Variants in MYO9A observed in about 807,000 individuals in gnomAD.
MYO9A encodes unconventional myosin-IXa.
Under a neutral mutation model 293.3 loss-of-function variants are expected in MYO9A, and 103 were observed. That is an observed-to-expected ratio of 0.35 (90% confidence interval 0.30 to 0.41). The LOEUF (loss-of-function observed/expected upper bound fraction) is 0.41, where lower values mean the gene tolerates loss of function less well. Ranked by LOEUF, MYO9A falls within the 10% of genes least tolerant of loss-of-function variation. The pLI, the probability that MYO9A is intolerant of heterozygous loss-of-function variation, is 1.00. For missense variants in MYO9A, 2,685 were observed against 3,033.0 expected (o/e 0.89, Z 2.69); for synonymous variants, 1,001 against 1,035.7 (o/e 0.97, Z 0.64).
At chr15:71,902,796 A>G (rs913419991) in intron 22 of MYO9A, 145 bp downstream of exon 22, 24 of 593,130 alleles carry the variant, frequency 4.0e-5, no homozygotes, top group African/African-American at 3.7e-4. Context: ...TATTGACTAC[A>G]TAATTAAATA....
intron 32 of MYO9A, among the ~76,000 whole-genome samples, chr15:71,868,199 T>C (rs1388010726): frequency 6.6e-6 from 1 of 152,214 alleles, no homozygotes; most frequent in Non-Finnish European, 1.5e-5. Context: ...TCCATGTGGT[T>C]GTTGGACTGA....
chr15:71,854,788 A>T (rs1198530462), intron 34 of MYO9A, among the ~76,000 whole-genome samples: 2 of 152,232 alleles, frequency 1.3e-5, no homozygotes, highest in African/African-American at 4.8e-5. Flanking sequence ...TGGAGTGAAG[A>T]ATGAAGGCAG....
intron 18 of MYO9A, among the ~76,000 whole-genome samples, chr15:71,925,561 G>A (rs1039171544): frequency 4.6e-5 from 7 of 151,616 alleles, no homozygotes; most frequent in African/African-American, 1.2e-4. Flanking sequence ...ATCTGCTGTC[G>A]TTTTGTTCTT....
chr15:72,112,735 T>C (rs1273435854), intron 1 of MYO9A, among the ~76,000 whole-genome samples: 4 of 152,232 alleles, frequency 2.6e-5, no homozygotes, highest in East Asian at 1.9e-4. Flanking sequence ...GAAACCTATA[T>C]GTTAAAGGGT....
At chr15:71,966,200 C>T (rs2075870023) in intron 13 of MYO9A, among the ~76,000 whole-genome samples, 1 of 150,916 alleles carries the variant, frequency 6.6e-6, no homozygotes, top group Admixed American at 6.6e-5. Context: ...TATACACCAG[C>T]TTTTATCCTT....
Position 72,028,040 on chromosome 15 carries a change from T to C in MYO9A, c.936-247A>G, listed in dbSNP as rs538838605. Among the ~76,000 whole-genome samples the C allele has an allele frequency of 2.7e-5, 4 of 149,720 alleles. No individual in the cohort carries two copies. In the South Asian group the frequency reaches 8.5e-4, roughly 32 times the overall value. The stretch of plus-strand genomic sequence containing the variant: ...TGGTGAAACCCCATCTCTAATAAAA[T>C]ACAAAAATTAGCCAGGCATGGTGGC... On this transcript the variant is annotated intron_variant, in intron 3 of 41. Transcript: ENST00000356056.
chr15:71,867,432 T>C (rs1170395119), intron 32 of MYO9A, among the ~76,000 whole-genome samples: 1 of 151,874 alleles, frequency 6.6e-6, no homozygotes, highest in Non-Finnish European at 1.5e-5. Context: ...ACAAAAAATA[T>C]AATAAGCCAA....
chr15:72,086,416 C>T (rs1021171255), intron 1 of MYO9A, among the ~76,000 whole-genome samples: 5 of 140,432 alleles, frequency 3.6e-5, no homozygotes, highest in African/African-American at 1.4e-4. Context: ...GCAATGTTGG[C>T]AAGGGGGTGG....
chr15:72,009,202 T>C (rs1330123425), intron 7 of MYO9A, among the ~76,000 whole-genome samples: 1 of 152,194 alleles, frequency 6.6e-6, no homozygotes, highest in Non-Finnish European at 1.5e-5. Flanking sequence ...TGATTTTTAA[T>C]AGAAATTCAC....
In MYO9A at chr15:71,823,429, C is replaced by T. The variant is rs1230175242; in HGVS notation, c.*3151G>A. The T allele has an allele frequency of 6.6e-6, 1 of 152,230 alleles. No individual in the cohort carries two copies. The highest frequency in any genetic ancestry group is 2.4e-5 in the African/African-American group (1 of 41,446). 9.4% of individuals were successfully genotyped at this position (152,230 alleles called of 1,614,324 possible). On this transcript the variant is annotated 3_prime_UTR_variant, in exon 42 of 42. Coordinates refer to ENST00000356056, the MANE Select transcript of MYO9A (RefSeq NM_006901.4). Reference sequence around the variant, plus strand: ...TTTCCAAAGCATGAGAAGGTGGGGGCTCTAGTATTCCATCCCAGGACCTCT... The same window carrying T: ...TTTCCAAAGCATGAGAAGGTGGGGGTTCTAGTATTCCATCCCAGGACCTCT...
In MYO9A at chr15:71,993,075, G is replaced by A. The variant is rs139102162; in HGVS notation, c.1587+1394C>T. On this transcript the variant is annotated intron_variant, in intron 10 of 41. Transcript: ENST00000356056. ...TGCCTTCTAAAAAGGAGTAGGCCAGGCCTGGTGGCTCACGCCTGTAATCCC... is the reference window on the plus strand; with the variant it reads ...TGCCTTCTAAAAAGGAGTAGGCCAGACCTGGTGGCTCACGCCTGTAATCCC... Among the ~76,000 whole-genome samples, 80 of 152,280 alleles carry A rather than the reference G, an allele frequency of 5.3e-4. No homozygotes were observed. The East Asian group carries it at 0.015, about 29-fold the overall frequency.
At chr15:71,922,168 A>G (rs574533784) in intron 18 of MYO9A, among the ~76,000 whole-genome samples, 1 of 152,212 alleles carries the variant, frequency 6.6e-6, no homozygotes, top group Non-Finnish European at 1.5e-5. Context: ...TAGTAGACAC[A>G]GGGTTTCACC....
At chr15:71,990,506 A>G (rs1567354019) in intron 11 of MYO9A, among the ~76,000 whole-genome samples, 1 of 152,206 alleles carries the variant, frequency 6.6e-6, no homozygotes, top group African/African-American at 2.4e-5. Context: ...CTATAATCCC[A>G]GCACTTTGGG....
At chr15:71,831,747 C>A (rs767350280) in intron 39 of MYO9A, among the ~76,000 whole-genome samples, 14 of 152,028 alleles carry the variant, frequency 9.2e-5, no homozygotes, top group Non-Finnish European at 1.9e-4. Flanking sequence ...AATACTCTGA[C>A]AAATAATCAA....
intron 12 of MYO9A, among the ~76,000 whole-genome samples, chr15:71,973,214 G>GC (rs1487727431): frequency 6.6e-6 from 1 of 152,044 alleles, no homozygotes; most frequent in African/African-American, 2.4e-5. Context: ...TGGAAAAAGG[G>GC]CAAAACGAAG....
chr15:71,880,958 T>G (rs2056855589), intron 28 of MYO9A, among the ~76,000 whole-genome samples: 1 of 152,206 alleles, frequency 6.6e-6, no homozygotes, highest in South Asian at 2.1e-4. Flanking sequence ...TGCTACATGT[T>G]TGAAACAATA....
chr15:71,876,914 G>A (rs1352551097), intron 31 of MYO9A, among the ~76,000 whole-genome samples: 5 of 152,096 alleles, frequency 3.3e-5, no homozygotes, highest in African/African-American at 1.2e-4. Context: ...AAAAACAAAC[G>A]TAGTAGAAGC....
At chr15:72,073,081 G>A (rs1323083630) in intron 1 of MYO9A, among the ~76,000 whole-genome samples, 4 of 152,098 alleles carry the variant, frequency 2.6e-5, no homozygotes, top group African/African-American at 9.7e-5. Context: ...AATTCTTACT[G>A]AATCATCCTC....
intron 2 of MYO9A, among the ~76,000 whole-genome samples, chr15:72,040,771 CA>C (rs1164979982): frequency 2.0e-5 from 3 of 150,796 alleles, no homozygotes; most frequent in Non-Finnish European, 4.4e-5. Context: ...CAGCAGGAAA[CA>C]AAAAAATAAA....
Sources: allele counts gnomAD v4.1 joint callset (sites outside exome capture counted in the v4.1 genomes callset), GRCh38; gene constraint gnomAD v4.1.1; transcripts MANE v1.5; gene names NCBI Gene and HGNC (gene_info 2026-07-23, HGNC 2026-07-21).